The following MAST2 variants were observed in gnomAD, a reference collection of about 807,000 sequenced individuals.
The protein encoded by MAST2 is microtubule-associated serine/threonine-protein kinase 2.
In MAST2, 70 loss-of-function variants were observed where a neutral mutation model predicts 147.4. The observed-to-expected ratio is 0.47, with a 90% CI of 0.39 to 0.58. The LOEUF (loss-of-function observed/expected upper bound fraction) is 0.58. Ranked by LOEUF, MAST2 falls within the 20% of genes least tolerant of loss-of-function variation. MAST2 has a pLI of 0.00. For synonymous variants in MAST2, 869 were observed against 896.8 expected (o/e 0.97, Z 0.55); for missense variants, 2,080 against 2,302.3 (o/e 0.90, Z 1.98).
chr1:45,870,281 T>C (rs1326385927), intron 3 of MAST2, among the ~76,000 whole-genome samples: 1 of 152,142 alleles, frequency 6.6e-6, no homozygotes, highest in Non-Finnish European at 1.5e-5. Flanking sequence ...TATTGTTTTA[T>C]TTTTTCTCAA....
intron 7 of MAST2, among the ~76,000 whole-genome samples, chr1:46,003,561 C>T (rs1314270280): frequency 6.6e-6 from 1 of 151,968 alleles, no homozygotes. Context: ...TCAACCTCCC[C>T]AGGCTCAGAT....
chr1:45,987,246 G>T (rs1180318580), intron 5 of MAST2, among the ~76,000 whole-genome samples: 1 of 151,978 alleles, frequency 6.6e-6, no homozygotes, highest in African/African-American at 2.4e-5. Context: ...TTTCTATTTT[G>T]TCTTTTTTTT....
intron 4 of MAST2, among the ~76,000 whole-genome samples, chr1:45,940,908 C>T (rs1223326174): frequency 3.3e-5 from 5 of 152,294 alleles, no homozygotes; most frequent in Non-Finnish European, 4.4e-5. Context: ...CGTGAGCCAC[C>T]GCGCCTGGCC....
chr1:45,934,843 A>G (rs1655944097), intron 4 of MAST2, among the ~76,000 whole-genome samples: 1 of 152,172 alleles, frequency 6.6e-6, no homozygotes, highest in African/African-American at 2.4e-5. Context: ...GCTATAGTGA[A>G]TAGTGCTGTG....
intron 3 of MAST2, among the ~76,000 whole-genome samples, chr1:45,867,708 A>G (rs1237513772): frequency 6.6e-6 from 1 of 152,224 alleles, no homozygotes; most frequent in Non-Finnish European, 1.5e-5. Context: ...GGCCATTTTT[A>G]CAGATACGTG....
chr1:46,036,073 T>C lies in MAST2; in HGVS notation c.*7T>C. 1 of 1,593,368 alleles carries C rather than the reference T, an allele frequency of 6.3e-7. No homozygotes were observed. Among genetic ancestry groups the C allele is most frequent in the Non-Finnish European group, 8.6e-7 (1 of 1,169,422 alleles). On this transcript the variant is annotated 3_prime_UTR_variant, in exon 29 of 29. Coordinates refer to ENST00000361297, the MANE Select transcript of MAST2 (RefSeq NM_015112.3). Reference sequence around the variant, plus strand: ...GCTTTTAAAGCAAACATAGCAGTTGTTTGCCATTTCTTGCACTCAGACCTG... The same window carrying C: ...GCTTTTAAAGCAAACATAGCAGTTGCTTGCCATTTCTTGCACTCAGACCTG...
chr1:45,807,768 C>T (rs912015311), intron 1 of MAST2, among the ~76,000 whole-genome samples: 4 of 152,130 alleles, frequency 2.6e-5, no homozygotes, highest in East Asian at 3.9e-4. Flanking sequence ...TCTCGAACTC[C>T]TGACCTCAGG....
intron 3 of MAST2, among the ~76,000 whole-genome samples, chr1:45,876,842 A>G (rs1225610509): frequency 6.6e-6 from 1 of 152,172 alleles, no homozygotes; most frequent in African/African-American, 2.4e-5. Flanking sequence ...CCGTGCCTCT[A>G]AAGGAATGCA....
At chr1:45,994,185 A>T (rs1197121039) in intron 5 of MAST2, among the ~76,000 whole-genome samples, 1 of 150,452 alleles carries the variant, frequency 6.6e-6, no homozygotes, top group Non-Finnish European at 1.5e-5. Context: ...CATTGGCCAT[A>T]TGACTGAACT....
At chr1:45,835,470 T>G (rs1453236439) in intron 3 of MAST2, among the ~76,000 whole-genome samples, 3 of 152,190 alleles carry the variant, frequency 2.0e-5, no homozygotes, top group African/African-American at 7.2e-5. Context: ...TGCTATAATC[T>G]TAAACTGAAT....
At chr1:45,891,394 G>A (rs1647752682) in intron 4 of MAST2, among the ~76,000 whole-genome samples, 1 of 152,110 alleles carries the variant, frequency 6.6e-6, no homozygotes, top group Non-Finnish European at 1.5e-5. Context: ...CTACTTAGGG[G>A]GCTGAAGTGG....
intron 1 of MAST2, among the ~76,000 whole-genome samples, chr1:45,818,143 T>G (rs1012646219): frequency 3.9e-5 from 6 of 152,108 alleles, no homozygotes; most frequent in Non-Finnish European, 7.4e-5. Flanking sequence ...CAGTTGGGTG[T>G]TGTTGTGGAG....
chr1:45,953,032 G>A (rs916557055), intron 4 of MAST2, among the ~76,000 whole-genome samples: 3 of 152,188 alleles, frequency 2.0e-5, no homozygotes, highest in African/African-American at 7.2e-5. Context: ...TAATAGGTAA[G>A]TTGAAAGGGA....
intron 4 of MAST2, among the ~76,000 whole-genome samples, chr1:45,907,393 C>G (rs1321151536): frequency 6.6e-6 from 1 of 150,770 alleles, no homozygotes; most frequent in Non-Finnish European, 1.5e-5. Flanking sequence ...ATCTTAACTC[C>G]TTTTGAATTA....
chr1:45,949,963 G>C (rs1658689629), intron 4 of MAST2, among the ~76,000 whole-genome samples: 1 of 152,088 alleles, frequency 6.6e-6, no homozygotes, highest in Admixed American at 6.5e-5. Flanking sequence ...ACTAACCCAG[G>C]AACAGGAAAC....
chr1:45,886,936 T>C (rs979775019), intron 4 of MAST2, among the ~76,000 whole-genome samples: 3 of 152,134 alleles, frequency 2.0e-5, no homozygotes, highest in Non-Finnish European at 4.4e-5. Flanking sequence ...CAGGAGATCT[T>C]CCCATCACAG....
chr1:45,867,544 A>ATTTTTTTTTTTTTT (rs1305061940), intron 3 of MAST2, among the ~76,000 whole-genome samples: 2 of 151,814 alleles, frequency 1.3e-5, no homozygotes, highest in Non-Finnish European at 1.5e-5. Context: ...ATTTCATTTC[A>ATTTTTTTTTTTTTT]TTTCTGTACT....
rs776251376 is a variant in MAST2, at chr1:46,030,179, AGT to A, written c.2496_2497del (p.Ser832ArgfsTer6). 5.6e-6 allele frequency: 9 copies of A among 1,614,122 alleles called. No individual in the cohort carries two copies. Among genetic ancestry groups the A allele is most frequent in the Admixed American group, 5.0e-5 (3 of 60,010 alleles). The stretch of plus-strand genomic sequence containing the variant: ...GGACTCGGAGGATGAGGAAGAAGTG[AGT>A]GAGGATGGCTGCCTTGAGATCCGCC... ...HMDSEDEEEV[S>X]EDGCLEIRQF... On this transcript the variant is annotated frameshift_variant, in exon 21 of 29. Coordinates refer to ENST00000361297, the MANE Select transcript of MAST2 (RefSeq NM_015112.3). LOFTEE classifies it high-confidence loss of function.
At chr1:45,971,327 G>A (rs1458528302) in intron 5 of MAST2, among the ~76,000 whole-genome samples, 1 of 152,228 alleles carries the variant, frequency 6.6e-6, no homozygotes, top group Non-Finnish European at 1.5e-5. Context: ...GAGAGAGAAA[G>A]TAGAGGTGCT....
Sources: allele counts gnomAD v4.1 joint callset (sites outside exome capture counted in the v4.1 genomes callset), GRCh38; gene constraint gnomAD v4.1.1; transcripts MANE v1.5; gene names NCBI Gene and HGNC (gene_info 2026-07-23, HGNC 2026-07-21).